The following SLC25A48 variants were observed in gnomAD, a reference collection of about 807,000 sequenced individuals.
The protein encoded by SLC25A48 is CTC-321K16.1.
SLC25A48 carries 29 observed loss-of-function variants against 32.2 expected under a neutral mutation model. The observed-to-expected ratio is 0.90, with a 90% CI of 0.67 to 1.23. The LOEUF (loss-of-function observed/expected upper bound fraction) is 1.23. SLC25A48 is among the 50% of genes most tolerant of loss of function. SLC25A48 has a pLI of 0.00. For missense variants in SLC25A48, 399 were observed against 422.7 expected (o/e 0.94, Z 0.49); for synonymous variants, 164 against 172.3 (o/e 0.95, Z 0.38).
At chr5:135,645,951 A>G (rs1024346648) in intron 3 of SLC25A48, among the ~76,000 whole-genome samples, 1 of 152,226 alleles carries the variant, frequency 6.6e-6, no homozygotes, top group African/African-American at 2.4e-5. Flanking sequence ...GATTGCATTG[A>G]TGGGCATGAC....
intron 3 of SLC25A48, among the ~76,000 whole-genome samples, chr5:135,781,306 G>T (rs1561490223): frequency 8.6e-6 from 1 of 116,308 alleles, no homozygotes; most frequent in South Asian, 3.1e-4. Flanking sequence ...TATCTAAATC[G>T]TAATATGCAG....
intron 3 of SLC25A48, among the ~76,000 whole-genome samples, chr5:135,679,547 G>T (rs1444822772): frequency 6.6e-6 from 1 of 152,176 alleles, no homozygotes; most frequent in Non-Finnish European, 1.5e-5. Context: ...CTTCAGACCT[G>T]GCTGTGTCAG....
intron 1 of SLC25A48, among the ~76,000 whole-genome samples, chr5:135,836,009 G>A (rs1409507567): frequency 2.0e-5 from 3 of 152,234 alleles, no homozygotes; most frequent in Admixed American, 1.3e-4. Flanking sequence ...TGCAGCCTGA[G>A]GCCCGCTGGG....
At chr5:135,682,201 A>G (rs1000464324) in intron 3 of SLC25A48, among the ~76,000 whole-genome samples, 1 of 152,208 alleles carries the variant, frequency 6.6e-6, no homozygotes, top group Non-Finnish European at 1.5e-5. Context: ...TGGGGTAACA[A>G]GTAGGGCTCA....
chr5:135,838,761 A>C (rs1305525266), intron 1 of SLC25A48, among the ~76,000 whole-genome samples: 1 of 152,210 alleles, frequency 6.6e-6, no homozygotes, highest in Admixed American at 6.5e-5. Context: ...AGAAGTCAAG[A>C]ATTGAGCTTT....
In SLC25A48 at chr5:135,732,832, G is replaced by A. The variant is rs62364626; in HGVS notation, c.-520-79691G>A. Among the ~76,000 whole-genome samples the A allele has an allele frequency of 8.7e-3, 1,330 of 152,298 alleles. 7 individuals are homozygous for A. The highest frequency in any genetic ancestry group is 0.017 in the Middle Eastern group (5 of 294). ...CCAGATGAGAAGGAGAAAAACTGCC[G>A]TGAGGGATAGAAGTTGGAAAGCTAG... On this transcript the variant is annotated intron_variant, in intron 3 of 10. Transcript: ENST00000646290.
chr5:135,635,388 T>C (rs532270252), intron 3 of SLC25A48, among the ~76,000 whole-genome samples: 1 of 152,188 alleles, frequency 6.6e-6, no homozygotes, highest in East Asian at 1.9e-4. Flanking sequence ...ATTAAACAGG[T>C]AGAGTGGACA....
intron 1 of SLC25A48, among the ~76,000 whole-genome samples, chr5:135,603,443 C>G (rs750276227): frequency 2.6e-5 from 4 of 152,362 alleles, no homozygotes; most frequent in Non-Finnish European, 5.9e-5. Flanking sequence ...TGAGGAGTGT[C>G]CCATTCCTCT....
rs1561463925 is a variant in SLC25A48, at chr5:135,723,400, ACACAC to A, written c.-521+88445_-521+88449del. On this transcript the variant is annotated intron_variant, in intron 3 of 10. Transcript: ENST00000646290. Reference sequence around the variant, plus strand: ...CTCTCTCACACACACACACACACACACACACACACACACAATGGGGAGGGGGACAG... The same window carrying A: ...CTCTCTCACACACACACACACACACAACACACACAATGGGGAGGGGGACAG... Among the ~76,000 whole-genome samples, 170 of 80,850 alleles carry A rather than the reference ACACAC, an allele frequency of 2.1e-3. 2 individuals are homozygous for A. Among genetic ancestry groups the A allele is most frequent in the South Asian group, 0.012 (27 of 2,228 alleles). 53.0% of individuals were successfully genotyped at this position (80,850 alleles called of 152,430 possible).
chr5:135,793,465 C>T (rs1757086599), intron 3 of SLC25A48, among the ~76,000 whole-genome samples: 2 of 151,726 alleles, frequency 1.3e-5, no homozygotes, highest in Admixed American at 6.6e-5. Flanking sequence ...TCCATAACAT[C>T]CTGAGAGATA....
chr5:135,654,166 T>C (rs1001533737), intron 3 of SLC25A48, among the ~76,000 whole-genome samples: 1 of 152,142 alleles, frequency 6.6e-6, no homozygotes, highest in African/African-American at 2.4e-5. Context: ...CTAGGTACAA[T>C]AGTGCAAGAA....
At chr5:135,837,612 G>A (rs1475303185) in intron 1 of SLC25A48, among the ~76,000 whole-genome samples, 1 of 152,124 alleles carries the variant, frequency 6.6e-6, no homozygotes, top group African/African-American at 2.4e-5. Context: ...TGAATCATGG[G>A]TACAGGCTTT....
intron 3 of SLC25A48, among the ~76,000 whole-genome samples, chr5:135,640,327 G>C (rs1159897203): frequency 6.6e-6 from 1 of 152,164 alleles, no homozygotes; most frequent in Non-Finnish European, 1.5e-5. Context: ...AAAGATAAGA[G>C]AGAGAATGAG....
intron 6 of SLC25A48, chr5:135,874,802 C>T: frequency 4.7e-6 from 3 of 642,748 alleles, no homozygotes; most frequent in Non-Finnish European, 8.4e-6. Flanking sequence ...GTCTGGTGTC[C>T]AAGGTAATAC....
At chr5:135,603,142 C>T (rs936898859) in intron 1 of SLC25A48, among the ~76,000 whole-genome samples, 1 of 152,202 alleles carries the variant, frequency 6.6e-6, no homozygotes, top group Non-Finnish European at 1.5e-5. Flanking sequence ...AAGCCTCCAG[C>T]CCAGGCCCAT....
chr5:135,872,849 CAT>C (rs1199155391), intron 5 of SLC25A48: 1 of 152,348 alleles, frequency 6.6e-6, no homozygotes, highest in Non-Finnish European at 1.5e-5. Flanking sequence ...TCATAGCAGA[CAT>C]ATAACGAAGC....
At chr5:135,712,195 T>C (rs1199729463) in intron 3 of SLC25A48, among the ~76,000 whole-genome samples, 2 of 152,200 alleles carry the variant, frequency 1.3e-5, no homozygotes, top group Non-Finnish European at 1.5e-5. Flanking sequence ...ACTGCTTAAG[T>C]AAACTGCCAG....
At chr5:135,616,481 G>T (rs901141279) in intron 1 of SLC25A48, among the ~76,000 whole-genome samples, 5 of 152,192 alleles carry the variant, frequency 3.3e-5, no homozygotes, top group African/African-American at 1.2e-4. Context: ...GACTGCCCTG[G>T]TGTGTTTCAA....
At chr5:135,872,671 C>A (rs950695386) in intron 5 of SLC25A48, 2 of 152,208 alleles carry the variant, frequency 1.3e-5, no homozygotes, top group East Asian at 1.9e-4. Flanking sequence ...GCCAGAAGGG[C>A]CTTTGGAAGC....
Sources: allele counts gnomAD v4.1 joint callset (sites outside exome capture counted in the v4.1 genomes callset), GRCh38; gene constraint gnomAD v4.1.1; transcripts MANE v1.5; gene names NCBI Gene and HGNC (gene_info 2026-07-23, HGNC 2026-07-21).